RAD52: variants seen among roughly 807,000 people sequenced by gnomAD.
The protein encoded by RAD52 is DNA repair protein RAD52 homolog.
RAD52 carries 47 observed loss-of-function variants against 55.5 expected under a neutral mutation model. The ratio of observed to expected loss-of-function variants is 0.85; its 90% CI spans 0.67 to 1.08. The LOEUF (loss-of-function observed/expected upper bound fraction) is 1.08. Among genes scored for constraint, RAD52 ranks in the 50% least tolerant of loss-of-function variants. RAD52 has a pLI of 0.00. For missense variants in RAD52, 468 were observed against 522.8 expected, an observed-to-expected ratio of 0.90 and a Z score of 1.02; for synonymous variants, 184 against 198.9, an observed-to-expected ratio of 0.92 and a Z score of 0.63.
chr12:970,797 A>AG (rs766511236), intron 1 of RAD52, among the ~76,000 whole-genome samples: 15 of 152,282 alleles, frequency 9.9e-5, no homozygotes, highest in Non-Finnish European at 1.8e-4. Context: ...TATTTTGGGT[A>AG]GGGTATCACA....
At chr12:968,835 G>C (rs1462103030) in intron 1 of RAD52, among the ~76,000 whole-genome samples, 2 of 151,966 alleles carry the variant, frequency 1.3e-5, no homozygotes, top group Non-Finnish European at 2.9e-5. Context: ...ATATCCCCAG[G>C]ATCGTGAACT....
chr12:948,777 G>A (rs1243543582), intron 1 of RAD52, among the ~76,000 whole-genome samples: 2 of 150,746 alleles, frequency 1.3e-5, no homozygotes, highest in African/African-American at 4.9e-5. Context: ...TCGGCTTACC[G>A]GCACACCTGC....
At chr12:987,321 C>T (rs1225176233) in intron 1 of RAD52, among the ~76,000 whole-genome samples, 1 of 151,970 alleles carries the variant, frequency 6.6e-6, no homozygotes, top group Admixed American at 6.6e-5. Context: ...TCTTTGGAAA[C>T]TTAGAATCTT....
At chr12:962,650 G>A (rs776942465) in intron 1 of RAD52, among the ~76,000 whole-genome samples, 14 of 151,876 alleles carry the variant, frequency 9.2e-5, no homozygotes, top group Non-Finnish European at 1.3e-4. Flanking sequence ...CCTGGCCCAA[G>A]GAAGACATTT....
intron 1 of RAD52, among the ~76,000 whole-genome samples, chr12:987,595 C>G (rs1653696474): frequency 6.8e-6 from 1 of 146,444 alleles, no homozygotes; most frequent in African/African-American, 2.5e-5. Context: ...GGATCTGGCT[C>G]TGTTGCCCAG....
rs1004502625 is a variant in RAD52 at position 972,772 on chromosome 12, A to G, written c.-19+17037T>C. Among the ~76,000 whole-genome samples, 30 of 150,414 alleles carry G rather than the reference A, an allele frequency of 2.0e-4. No homozygotes were observed. The East Asian group carries it at 4.8e-3, about 24-fold the overall frequency. ...CAGAGCGAGACTCCGTCTCAAAAAA[A>G]AAAAAAAAAAAAAAAAGGGCCGCTC... On this transcript the variant is annotated intron_variant, in intron 1 of 11. Transcript: ENST00000430095.
chr12:923,351 A>C (rs907982919), intron 7 of RAD52, among the ~76,000 whole-genome samples: 2 of 151,670 alleles, frequency 1.3e-5, no homozygotes, highest in African/African-American at 4.8e-5. Flanking sequence ...ACCAGCCCTG[A>C]GAAATTCTGT....
At chr12:913,821 C>A in intron 11 of RAD52, 73 bp downstream of exon 11, 1 of 1,360,948 alleles carries the variant, frequency 7.3e-7, no homozygotes, top group South Asian at 1.2e-5. Flanking sequence ...GAAATGTCAT[C>A]CTTCCTCAAA....
At chr12:946,155 A>G (rs1000300623) in intron 1 of RAD52, among the ~76,000 whole-genome samples, 9 of 152,144 alleles carry the variant, frequency 5.9e-5, no homozygotes, top group Non-Finnish European at 1.2e-4. Context: ...AACACTCAGC[A>G]CAGTCCCCAC....
At chr12:927,293 AC>A (rs1565664483) in intron 5 of RAD52, 30 bp from the exon 6 acceptor site, 1 of 1,525,652 alleles carries the variant, frequency 6.6e-7, no homozygotes, top group East Asian at 2.3e-5. Context: ...TTGAACTCAA[AC>A]ACGAGAGCGG....
chr12:916,421 T>G lies in RAD52; in HGVS notation c.788A>C (p.Gln263Pro). The G allele has an allele frequency of 6.2e-7, 1 of 1,608,610 alleles. No homozygotes were observed. The highest frequency in any genetic ancestry group is 2.2e-5 in the East Asian group (1 of 44,804). ...ATHQRKLRQK[Q>P]LQQQFRERME... ...CCGCTCCCGGAACTGCTGCTGCAGC[T>G]GCTTCTGCCGGAGCTTCCGCTGGTG... is the stretch of plus-strand genomic sequence containing the variant. The change falls in exon 9 of 12, where the codon CAG (glutamine) becomes CCG (proline). Residue 263 changes from glutamine (Q) to proline (P), a missense_variant. Transcript: ENST00000358495.
rs542228531 is a variant in RAD52 at position 963,592 on chromosome 12, GA to G, written c.-19+26216del. 7.9e-5 allele frequency among the ~76,000 whole-genome samples: 12 copies of G among 152,108 alleles called. No homozygotes were observed. In the South Asian group the frequency reaches 2.5e-3, roughly 32 times the overall value. ...AATAAGGATTTATAATTTTCTTTATGAATACTTTACATGTCTTTATATTTTC... is the reference window on the plus strand; with the variant it reads ...AATAAGGATTTATAATTTTCTTTATGATACTTTACATGTCTTTATATTTTC... On this transcript the variant is annotated intron_variant, in intron 1 of 11. Coordinates refer to the RAD52 transcript ENST00000430095.
intron 1 of RAD52, among the ~76,000 whole-genome samples, chr12:944,080 G>A (rs188508708): frequency 6.6e-6 from 1 of 152,200 alleles, no homozygotes; most frequent in African/African-American, 2.4e-5. Flanking sequence ...GCTGGGCCTG[G>A]TGGAATGTTC....
At chr12:930,779 C>A (rs897673579) in intron 3 of RAD52, among the ~76,000 whole-genome samples, 16 of 151,830 alleles carry the variant, frequency 1.1e-4, no homozygotes, top group African/African-American at 3.9e-4. Flanking sequence ...TCAGCCTGGG[C>A]AACATGGCGA....
intron 1 of RAD52, among the ~76,000 whole-genome samples, chr12:969,311 T>G (rs1472436282): frequency 6.6e-6 from 1 of 152,036 alleles, no homozygotes; most frequent in Admixed American, 6.6e-5. Context: ...TTTAACATTC[T>G]CACAATGAGA....
chr12:924,447 C>T (rs1956914344), intron 7 of RAD52, among the ~76,000 whole-genome samples: 1 of 152,166 alleles, frequency 6.6e-6, no homozygotes, highest in African/African-American at 2.4e-5. Flanking sequence ...CAAACTGAAT[C>T]CAATAATGTT....
intron 1 of RAD52, among the ~76,000 whole-genome samples, chr12:980,754 T>A (rs1269790195): frequency 6.6e-6 from 1 of 152,086 alleles, no homozygotes; most frequent in Non-Finnish European, 1.5e-5. Context: ...TGCACCACCA[T>A]GCCACCGCGC....
chr12:986,313 C>A (rs939646348), intron 1 of RAD52, among the ~76,000 whole-genome samples: 5 of 152,060 alleles, frequency 3.3e-5, no homozygotes, highest in African/African-American at 1.2e-4. Flanking sequence ...ATCCTTCTGC[C>A]TCAGTTTCCC....
chr12:927,106 C>G (rs774109881), intron 6 of RAD52, 39 bp downstream of exon 6: 1 of 1,585,474 alleles, frequency 6.3e-7, no homozygotes, highest in Admixed American at 1.7e-5. Context: ...GAAGCAAGAG[C>G]TGAAATGACG....
Sources: allele counts gnomAD v4.1 joint callset (sites outside exome capture counted in the v4.1 genomes callset), GRCh38; gene constraint gnomAD v4.1.1; transcripts MANE v1.5; gene names NCBI Gene and HGNC (gene_info 2026-07-23, HGNC 2026-07-21).